NLK: variants seen among roughly 807,000 people sequenced by gnomAD.
The protein encoded by NLK is serine/threonine-protein kinase NLK.
Under a neutral mutation model 59.0 loss-of-function variants are expected in NLK, and 11 were observed. The observed-to-expected ratio is 0.19, with a 90% CI of 0.12 to 0.31. The LOEUF is 0.31. NLK is among the 10% of genes least tolerant of loss of function. The pLI, the probability that NLK is intolerant of heterozygous loss-of-function variation, is 1.00. For synonymous variants in NLK, 235 were observed against 235.9 expected, an observed-to-expected ratio of 1.00 and a Z score of 0.03; for missense variants, 410 against 661.1, an observed-to-expected ratio of 0.62 and a Z score of 4.16.
intron 2 of NLK, among the ~76,000 whole-genome samples, chr17:28,127,170 A>T (rs142041784): frequency 7.2e-5 from 11 of 152,266 alleles, no homozygotes; most frequent in Admixed American, 7.2e-4. Flanking sequence ...TAAGTGAGTG[A>T]ATGAAAGTGA....
chr17:28,043,194 A>C lies in NLK; in HGVS notation c.321A>C (p.Ala107=), dbSNP rs1262285998. Reference sequence around the variant, plus strand: ...CGGGGCAGGCTCCTGGACCAGCTGCAGCAGCCCCAGCTCAGGTACAGGCTG... The same window carrying C: ...CGGGGCAGGCTCCTGGACCAGCTGCCGCAGCCCCAGCTCAGGTACAGGCTG... ...PAPGQAPGPA[A]AAPAQVQAAA... The change falls in exon 1 of 11, where the codon GCA becomes GCC. Residue 107 remains alanine (A), a synonymous_variant. Coordinates refer to ENST00000407008, the MANE Select transcript of NLK (RefSeq NM_016231.5). 1.2e-6 allele frequency: 2 copies of C among 1,613,998 alleles called. No individual in the cohort carries two copies. The highest frequency in any genetic ancestry group is 2.2e-5 in the South Asian group (2 of 91,088).
At chr17:28,130,517 T>A (rs1906472435) in intron 2 of NLK, among the ~76,000 whole-genome samples, 1 of 152,236 alleles carries the variant, frequency 6.6e-6, no homozygotes, top group Non-Finnish European at 1.5e-5. Context: ...CCCTGTTTTA[T>A]ATGGCTTTTT....
At chr17:28,145,731 A>T (rs941392351) in intron 3 of NLK, among the ~76,000 whole-genome samples, 2 of 151,598 alleles carry the variant, frequency 1.3e-5, no homozygotes, top group Non-Finnish European at 2.9e-5. Flanking sequence ...TTTTAAAGAC[A>T]GTCTCACTCT....
intron 1 of NLK, among the ~76,000 whole-genome samples, chr17:28,092,701 T>C (rs1466111724): frequency 1.1e-4 from 17 of 152,156 alleles, no homozygotes; most frequent in Admixed American, 1.1e-3. Context: ...CAAAACAGAC[T>C]GTATCCTGCC....
chr17:28,155,962 A>G (rs1293135774), intron 3 of NLK, among the ~76,000 whole-genome samples: 2 of 152,202 alleles, frequency 1.3e-5, no homozygotes, highest in African/African-American at 4.8e-5. Flanking sequence ...TATTTTAAAT[A>G]TACATGTATG....
downstream of NLK, among the ~76,000 whole-genome samples, chr17:28,199,053 G>T (rs1017263690): frequency 6.6e-6 from 1 of 152,162 alleles, no homozygotes; most frequent in African/African-American, 2.4e-5. Context: ...AAGTAAATCG[G>T]TTTTGCCCAT....
intron 10 of NLK, among the ~76,000 whole-genome samples, chr17:28,193,888 A>G (rs1597731208): frequency 6.6e-6 from 1 of 152,236 alleles, no homozygotes; most frequent in Non-Finnish European, 1.5e-5. Context: ...TCAGTGACCC[A>G]GTCAGTTAGG....
At chr17:28,155,696 C>T (rs1166076159) in intron 3 of NLK, among the ~76,000 whole-genome samples, 1 of 151,880 alleles carries the variant, frequency 6.6e-6, no homozygotes, top group Non-Finnish European at 1.5e-5. Context: ...AACCAAACAC[C>T]GCATGTTCTC....
At chr17:28,188,155 G>A (rs190324628) in intron 8 of NLK, among the ~76,000 whole-genome samples, 190 of 152,316 alleles carry the variant, frequency 1.2e-3, no homozygotes, top group African/African-American at 4.4e-3. Context: ...GCCACAGTGA[G>A]CCATGAGCTC....
intron 2 of NLK, among the ~76,000 whole-genome samples, chr17:28,130,815 T>C (rs1434161722): frequency 6.6e-6 from 1 of 152,210 alleles, no homozygotes; most frequent in Non-Finnish European, 1.5e-5. Flanking sequence ...AAAATTGTTC[T>C]GGCACATAAT....
chr17:28,176,446 T>G (rs1908683995), intron 7 of NLK, among the ~76,000 whole-genome samples: 1 of 152,250 alleles, frequency 6.6e-6, no homozygotes, highest in Admixed American at 6.5e-5. Flanking sequence ...TGCTGAACAC[T>G]TCTTATATAC....
chr17:28,193,219 C>T (rs1353264438), intron 10 of NLK, among the ~76,000 whole-genome samples: 1 of 152,152 alleles, frequency 6.6e-6, no homozygotes, highest in African/African-American at 2.4e-5. Flanking sequence ...AGCAGCCACT[C>T]CCTGTAGACT....
Position 28,195,281 on chromosome 17 carries a change from G to A in NLK, c.*645G>A, listed in dbSNP as rs1185404229. On this transcript the variant is annotated 3_prime_UTR_variant, in exon 11 of 11. Transcript: ENST00000407008. ...GGTAGAGAGAATGAGTTTGTGACTA[G>A]GAGAGACTAAACTTTTGTTTTCCTT... is the stretch of plus-strand genomic sequence containing the variant. 6.6e-6 allele frequency: 1 copy of A among 151,490 alleles called. No homozygotes were observed. The highest frequency in any genetic ancestry group is 6.6e-5 in the Admixed American group (1 of 15,186). 9.4% of individuals were successfully genotyped at this position (151,490 alleles called of 1,614,324 possible).
intron 1 of NLK, among the ~76,000 whole-genome samples, chr17:28,104,967 G>A (rs777500272): frequency 6.6e-6 from 1 of 152,130 alleles, no homozygotes; most frequent in Non-Finnish European, 1.5e-5. Context: ...TGAAACTGTT[G>A]CATTATTGAA....
At chr17:28,078,392 G>A (rs1910237538) in intron 1 of NLK, among the ~76,000 whole-genome samples, 1 of 151,972 alleles carries the variant, frequency 6.6e-6, no homozygotes, top group South Asian at 2.1e-4. Flanking sequence ...TAGGTTTACA[G>A]CAAAATTTGG....
At chr17:28,054,679 GT>G (rs974516919) in intron 1 of NLK, among the ~76,000 whole-genome samples, 2 of 152,178 alleles carry the variant, frequency 1.3e-5, no homozygotes, top group African/African-American at 2.4e-5. Flanking sequence ...TCTTGTTTCA[GT>G]TTAAAGAAAA....
intron 1 of NLK, among the ~76,000 whole-genome samples, chr17:28,111,892 GTGT>G (rs1905510793): frequency 2.6e-5 from 3 of 114,462 alleles, no homozygotes; most frequent in African/African-American, 1.2e-4. Context: ...GTGTGTGTGT[GTGT>G]GGTGTGTGTG....
chr17:28,119,724 A>G (rs1333546753), intron 1 of NLK, among the ~76,000 whole-genome samples: 2 of 152,226 alleles, frequency 1.3e-5, no homozygotes, highest in African/African-American at 2.4e-5. Flanking sequence ...CACAGTTACA[A>G]AGGGAAAAAA....
intron 2 of NLK, among the ~76,000 whole-genome samples, chr17:28,128,913 A>G (rs1906400386): frequency 6.6e-6 from 1 of 152,230 alleles, no homozygotes; most frequent in Non-Finnish European, 1.5e-5. Context: ...GTCTGCCAAC[A>G]GCACTCTGAA....
Sources: gnomAD v4.1 joint callset for allele counts (sites outside exome capture counted in the v4.1 genomes callset) on GRCh38, gnomAD v4.1.1 for gene constraint, MANE v1.5 for transcripts, NCBI Gene and HGNC (gene_info 2026-07-23, HGNC 2026-07-21) for gene names.